Variants in MAPK6 observed in about 807,000 individuals in gnomAD.
MAPK6 encodes ERK-3.
Under a neutral mutation model 59.3 loss-of-function variants are expected in MAPK6, and 19 were observed. That is an observed-to-expected ratio of 0.32 (90% confidence interval 0.22 to 0.47). MAPK6 has a LOEUF of 0.47. Among genes scored for constraint, MAPK6 ranks in the 20% least tolerant of loss-of-function variants. MAPK6 has a pLI of 1.00. For synonymous variants in MAPK6, 316 were observed against 290.3 expected (o/e 1.09, Z -0.90); for missense variants, 724 against 847.9 (o/e 0.85, Z 1.81).
At chr15:52,041,005 C>G (rs2031401369) in intron 1 of MAPK6, among the ~76,000 whole-genome samples, 1 of 152,070 alleles carries the variant, frequency 6.6e-6, no homozygotes, top group Non-Finnish European at 1.5e-5. Context: ...CCCCAAACAA[C>G]CCAGAATCAG....
At chr15:52,039,366 C>G (rs1464291926) in intron 1 of MAPK6, among the ~76,000 whole-genome samples, 1 of 152,096 alleles carries the variant, frequency 6.6e-6, no homozygotes, top group Admixed American at 6.6e-5. Context: ...AGATAAGCAA[C>G]AAAATAAACA....
intron 2 of MAPK6, among the ~76,000 whole-genome samples, chr15:51,983,479 C>G (rs752307816): frequency 1.3e-4 from 19 of 143,902 alleles, no homozygotes; most frequent in Non-Finnish European, 2.1e-4. Flanking sequence ...AACTCCGTCT[C>G]AAAACAAGCA....
intron 3 of MAPK6, among the ~76,000 whole-genome samples, chr15:52,005,562 C>T (rs1018964838): frequency 1.3e-5 from 2 of 151,814 alleles, no homozygotes; most frequent in Non-Finnish European, 2.9e-5. Context: ...TCTGGCTTAA[C>T]TTAGGTGAAT....
At chr15:52,005,627 A>C (rs2057256288) in intron 3 of MAPK6, among the ~76,000 whole-genome samples, 1 of 152,126 alleles carries the variant, frequency 6.6e-6, no homozygotes, top group South Asian at 2.1e-4. Context: ...CCCCTTATTT[A>C]GAGTAGGTTA....
chr15:51,971,912 C>A (rs2057128740), intron 1 of MAPK6: 6 of 687,802 alleles, frequency 8.7e-6, no homozygotes, highest in African/African-American at 1.8e-5. Context: ...CCTGGGTATG[C>A]ATGGTATATA....
chr15:52,030,770 G>A (rs2030998473), intron 1 of MAPK6, among the ~76,000 whole-genome samples: 2 of 151,336 alleles, frequency 1.3e-5, no homozygotes, highest in South Asian at 4.2e-4. Flanking sequence ...GGGACTACAG[G>A]CGTGTGCCAC....
At chr15:52,023,279 A>G (rs1229304586) in intron 1 of MAPK6, among the ~76,000 whole-genome samples, 1 of 152,186 alleles carries the variant, frequency 6.6e-6, no homozygotes, top group African/African-American at 2.4e-5. Flanking sequence ...TAAAATGGAA[A>G]GAAGATGCCT....
intron 1 of MAPK6, among the ~76,000 whole-genome samples, chr15:52,030,611 C>CTTTTTTTTTTTTTTTTTTTT (rs11295636): frequency 5.6e-5 from 2 of 35,742 alleles, no homozygotes; most frequent in African/African-American, 2.3e-4. Context: ...CAGAAGAAGG[C>CTTTTTTTTTTTTTTTTTTTT]TTTTTTTTTT....
At position 52,045,853 on chromosome 15, in the gene MAPK6, G is replaced by A. The variant is rs2031578530; in HGVS notation, c.-608G>A. On this transcript the variant is annotated 5_prime_UTR_variant, in exon 2 of 6. Coordinates refer to ENST00000261845, the MANE Select transcript of MAPK6 (RefSeq NM_002748.4). Reference sequence around the variant, plus strand: ...AGGTTGTATCAGAGTAAGATGGACGGTAGCTTTGATTGTGATTGTGGTGAG... The same window carrying A: ...AGGTTGTATCAGAGTAAGATGGACGATAGCTTTGATTGTGATTGTGGTGAG... 1 of 152,706 alleles carries A rather than the reference G, an allele frequency of 6.5e-6. No homozygotes were observed. The highest frequency in any genetic ancestry group is 1.5e-5 in the Non-Finnish European group (1 of 68,114). 9.5% of individuals were successfully genotyped at this position (152,706 alleles called of 1,614,324 possible). A position where few individuals can be genotyped will look rare whatever the true frequency, so the allele number is the denominator to read the frequency against.
chr15:52,049,905 G>A (rs1226442054), intron 2 of MAPK6, 88 bp from the exon 3 acceptor site: 21 of 1,238,676 alleles, frequency 1.7e-5, no homozygotes, highest in Middle Eastern at 2.7e-4. Context: ...GAGCCACCAC[G>A]CCTGGCAAAT....
upstream of MAPK6, among the ~76,000 whole-genome samples, chr15:52,016,070 G>GCGCGCACGCACA: frequency 3.2e-4 from 18 of 55,392 alleles, 3 homozygotes; most frequent in African/African-American, 1.3e-3. Context: ...GCGCGCGCGC[G>GCGCGCACGCACA]CACACACACA....
chr15:52,058,186 G>C (rs913929230), intron 3 of MAPK6, among the ~76,000 whole-genome samples: 1 of 152,078 alleles, frequency 6.6e-6, no homozygotes, highest in Non-Finnish European at 1.5e-5. Context: ...TGCTAACTGA[G>C]CCCTAACATA....
chr15:52,053,104 G>A (rs1251912081), intron 3 of MAPK6, among the ~76,000 whole-genome samples: 1 of 117,820 alleles, frequency 8.5e-6, no homozygotes, highest in Non-Finnish European at 1.7e-5. Flanking sequence ...ACAGAGTCTT[G>A]CTTTGTCATC....
At chr15:52,058,843 G>T in intron 4 of MAPK6, 46 bp downstream of exon 4, 1 of 1,516,798 alleles carries the variant, frequency 6.6e-7, no homozygotes, top group South Asian at 1.3e-5. Flanking sequence ...CTGTGTGTGA[G>T]GCAGAATCTG....
At chr15:51,989,229 G>A (rs1170443525) in intron 2 of MAPK6, among the ~76,000 whole-genome samples, 1 of 151,864 alleles carries the variant, frequency 6.6e-6, no homozygotes, top group African/African-American at 2.4e-5. Context: ...ATAGGCACCC[G>A]TCATCATGCC....
At chr15:51,994,733 T>G (rs907369789) in intron 2 of MAPK6, among the ~76,000 whole-genome samples, 3 of 152,212 alleles carry the variant, frequency 2.0e-5, no homozygotes, top group African/African-American at 7.2e-5. Flanking sequence ...CAAATTGACA[T>G]CATGCTATTG....
chr15:52,062,273 T>C lies in MAPK6; in HGVS notation c.1067+773T>C, dbSNP rs372604777. 4.0e-3 allele frequency among the ~76,000 whole-genome samples: 601 copies of C among 151,810 alleles called. 8 individuals carry two copies. Among genetic ancestry groups the C allele is most frequent in the African/African-American group, 0.013 (559 of 41,448 alleles). On this transcript the variant is annotated intron_variant, in intron 5 of 5. Coordinates refer to ENST00000261845, the MANE Select transcript of MAPK6 (RefSeq NM_002748.4). ...AACTCCTGACCTCAGGTGATCTGCC[T>C]GCCTTGGCCTCCCACAGTGCTGAAA... is the stretch of plus-strand genomic sequence containing the variant.
intron 3 of MAPK6, among the ~76,000 whole-genome samples, chr15:52,053,262 G>A (rs923664783): frequency 1.3e-5 from 2 of 151,958 alleles, no homozygotes; most frequent in African/African-American, 4.8e-5. Context: ...TTTTAGTAGA[G>A]ACGGGGTTTC....
chr15:52,034,847 A>G (rs2031184482), intron 1 of MAPK6, among the ~76,000 whole-genome samples: 2 of 150,788 alleles, frequency 1.3e-5, no homozygotes, highest in African/African-American at 4.9e-5. Flanking sequence ...ACAGGTGTGC[A>G]CCACCACGCC....
Sources: gnomAD v4.1 joint callset for allele counts (sites outside exome capture counted in the v4.1 genomes callset) on GRCh38, gnomAD v4.1.1 for gene constraint, MANE v1.5 for transcripts, NCBI Gene and HGNC (gene_info 2026-07-23, HGNC 2026-07-21) for gene names.